The following BTBD9 variants were observed in gnomAD, a reference collection of about 807,000 sequenced individuals.
The protein encoded by BTBD9 is BTB/POZ domain-containing protein 9.
A neutral mutation model predicts 64.3 loss-of-function variants in BTBD9; 49 were observed. The observed-to-expected ratio is 0.76, with a 90% CI of 0.61 to 0.97. The LOEUF (loss-of-function observed/expected upper bound fraction) is 0.97, where lower values mean the gene tolerates loss of function less well. BTBD9 is among the 50% of genes least tolerant of loss of function. The probability of loss-of-function intolerance (pLI) is 0.00; values close to 1 mark genes in which losing one functional copy is unlikely to be tolerated. For synonymous variants in BTBD9, 260 were observed against 274.7 expected (o/e 0.95, Z 0.53); for missense variants, 598 against 762.1 (o/e 0.78, Z 2.53).
chr6:38,372,953 G>A (rs62397035), intron 6 of BTBD9, among the ~76,000 whole-genome samples: 4,555 of 152,222 alleles, frequency 0.03, 88 homozygotes, highest in Non-Finnish European at 0.043. Context: ...AGGTTTCTCT[G>A]TATGTCCTGC....
chr6:38,413,921 G>C (rs1322618859), intron 6 of BTBD9, among the ~76,000 whole-genome samples: 1 of 152,084 alleles, frequency 6.6e-6, no homozygotes, highest in Admixed American at 6.5e-5. Flanking sequence ...GTCTATTGAT[G>C]GGGTTTTCGT....
chr6:38,210,252 T>C (rs184916414), intron 9 of BTBD9, among the ~76,000 whole-genome samples: 1 of 152,342 alleles, frequency 6.6e-6, no homozygotes, highest in Non-Finnish European at 1.5e-5. Flanking sequence ...ATTTTAACTA[T>C]ATTCGTCTTC....
At chr6:38,486,262 G>A (rs1008721799) in intron 6 of BTBD9, among the ~76,000 whole-genome samples, 9 of 152,296 alleles carry the variant, frequency 5.9e-5, no homozygotes, top group African/African-American at 1.9e-4. Context: ...ATCAGCAATG[G>A]CTGCTTTGCT....
At chr6:38,255,951 A>G (rs956074911) in intron 9 of BTBD9, among the ~76,000 whole-genome samples, 3 of 152,062 alleles carry the variant, frequency 2.0e-5, no homozygotes, top group East Asian at 1.9e-4. Flanking sequence ...GATAGCATTA[A>G]GAGAAATACC....
intron 8 of BTBD9, among the ~76,000 whole-genome samples, chr6:38,274,356 T>C (rs112917213): frequency 0.018 from 2,753 of 152,252 alleles, 57 homozygotes; most frequent in Middle Eastern, 0.037. Flanking sequence ...CTTTTCCTAA[T>C]TGAATACCCT....
chr6:38,236,646 A>G (rs892672218), intron 9 of BTBD9, among the ~76,000 whole-genome samples: 1 of 152,240 alleles, frequency 6.6e-6, no homozygotes, highest in African/African-American at 2.4e-5. Context: ...ATGCTGGGCT[A>G]GAAATCAAAT....
intron 6 of BTBD9, among the ~76,000 whole-genome samples, chr6:38,576,981 C>T (rs955135246): frequency 5.9e-5 from 9 of 152,050 alleles, no homozygotes; most frequent in East Asian, 1.9e-4. Flanking sequence ...TCGAGGGCTG[C>T]GATACATAAC....
intron 9 of BTBD9, among the ~76,000 whole-genome samples, chr6:38,205,104 A>T (rs187506218): frequency 5.9e-5 from 9 of 152,292 alleles, no homozygotes; most frequent in African/African-American, 2.2e-4. Context: ...GAGGAATTCC[A>T]CCATCTAATT....
chr6:38,468,270 T>C (rs59378068), intron 6 of BTBD9, among the ~76,000 whole-genome samples: 2,781 of 152,278 alleles, frequency 0.018, 74 homozygotes, highest in African/African-American at 0.063. Context: ...TCAACCCTTG[T>C]TGCATGGCAT....
rs140448237 is a variant in BTBD9, at chr6:38,509,000, G to C, written c.1154+68600C>G. On this transcript the variant is annotated intron_variant, in intron 6 of 10. Transcript: ENST00000481247. ...ATCTTACCTACCCACCTTAGAACCA[G>C]TGAGTCAGAATCTCCAGGACAGGGA... Among the ~76,000 whole-genome samples the C allele has an allele frequency of 2.6e-5, 4 of 152,308 alleles. No individual in the cohort carries two copies. The East Asian group carries it at 7.7e-4, about 29-fold the overall frequency.
At chr6:38,473,918 G>A (rs1770762163) in intron 6 of BTBD9, among the ~76,000 whole-genome samples, 1 of 152,104 alleles carries the variant, frequency 6.6e-6, no homozygotes, top group African/African-American at 2.4e-5. Context: ...TGAAGACTAG[G>A]GGAAGAGTAT....
At chr6:38,175,285 C>A (rs545181470) in intron 10 of BTBD9, 103 bp from the exon 11 acceptor site, 2 of 1,246,194 alleles carry the variant, frequency 1.6e-6, no homozygotes, top group Admixed American at 2.0e-5. Context: ...GGGGCCACCA[C>A]GAGGGAGTTA....
At chr6:38,336,341 C>T (rs945359858) in intron 7 of BTBD9, among the ~76,000 whole-genome samples, 4 of 152,044 alleles carry the variant, frequency 2.6e-5, no homozygotes, top group African/African-American at 9.7e-5. Context: ...AAGAAATACC[C>T]GAGACTGAGT....
chr6:38,322,125 C>T (rs973925501), intron 7 of BTBD9, among the ~76,000 whole-genome samples: 1 of 151,964 alleles, frequency 6.6e-6, no homozygotes, highest in Non-Finnish European at 1.5e-5. Flanking sequence ...GTTTAGGATC[C>T]TCAGCTGTTA....
intron 6 of BTBD9, chr6:38,504,574 A>G (rs924376566): frequency 2.2e-6 from 1 of 456,568 alleles, no homozygotes; most frequent in African/African-American, 2.0e-5. Flanking sequence ...TGCGGGTGAA[A>G]TGTGGATTTT....
At chr6:38,581,612 T>C (rs901607639) in intron 4 of BTBD9, among the ~76,000 whole-genome samples, 3 of 152,106 alleles carry the variant, frequency 2.0e-5, no homozygotes, top group African/African-American at 7.2e-5. Flanking sequence ...ATTCTAAAAC[T>C]GACACTCTCC....
chr6:38,221,079 C>T (rs984637232), intron 9 of BTBD9, among the ~76,000 whole-genome samples: 3 of 152,178 alleles, frequency 2.0e-5, no homozygotes, highest in Non-Finnish European at 2.9e-5. Flanking sequence ...GATTGACAGC[C>T]AATGAATAAA....
At chr6:38,633,213 ATGC>A (rs1264555263) in intron 1 of BTBD9, among the ~76,000 whole-genome samples, 1 of 152,214 alleles carries the variant, frequency 6.6e-6, no homozygotes, top group African/African-American at 2.4e-5. Context: ...AGATATTAAC[ATGC>A]TGAAGACCCA....
At chr6:38,554,148 G>A (rs1774923414) in intron 6 of BTBD9, among the ~76,000 whole-genome samples, 1 of 152,080 alleles carries the variant, frequency 6.6e-6, no homozygotes, top group Non-Finnish European at 1.5e-5. Flanking sequence ...CATGATATAT[G>A]AGCTACATGA....
Sources: gnomAD v4.1 joint callset for allele counts (sites outside exome capture counted in the v4.1 genomes callset) on GRCh38, gnomAD v4.1.1 for gene constraint, MANE v1.5 for transcripts, NCBI Gene and HGNC (gene_info 2026-07-23, HGNC 2026-07-21) for gene names.